XKR9: variants seen among roughly 807,000 people sequenced by gnomAD.
XKR9 encodes the protein XK related 9.
Under a neutral mutation model 32.0 loss-of-function variants are expected in XKR9, and 32 were observed. The observed-to-expected ratio is 1.00, with a 90% CI of 0.76 to 1.34. The LOEUF (loss-of-function observed/expected upper bound fraction) is 1.34, where lower values mean the gene tolerates loss of function less well. Among genes scored for constraint, XKR9 ranks in the 40% most tolerant of loss-of-function variants. The pLI, the probability that XKR9 is intolerant of heterozygous loss-of-function variation, is 0.00. For synonymous variants in XKR9, 168 were observed against 143.4 expected (o/e 1.17, Z -1.22); for missense variants, 546 against 429.7 (o/e 1.27, Z -2.39).
At chr8:70,785,731 C>CTT (rs1807676111) in intron 2 of XKR9, among the ~76,000 whole-genome samples, 2 of 111,886 alleles carry the variant, frequency 1.8e-5, no homozygotes, top group African/African-American at 3.0e-5. Flanking sequence ...CTCTCTCTCT[C>CTT]TCTCTCTCTA....
chr8:70,858,685 A>T, the XKR9 span, among the ~76,000 whole-genome samples: 1 of 152,058 alleles, frequency 6.6e-6, no homozygotes, highest in Admixed American at 6.6e-5. Context: ...CAGAATAGAG[A>T]ACCCAGATAT....
At chr8:70,708,838 C>A (rs571282182) in intron 4 of XKR9, among the ~76,000 whole-genome samples, 1 of 151,858 alleles carries the variant, frequency 6.6e-6, no homozygotes, top group South Asian at 2.1e-4. Context: ...AACCTTAGAC[C>A]AGATGGCTTC....
chr8:70,986,122 A>C, the XKR9 span, among the ~76,000 whole-genome samples: 6 of 152,206 alleles, frequency 3.9e-5, no homozygotes, highest in Non-Finnish European at 8.8e-5. Context: ...GTGTTAAGTA[A>C]TTAATAGGGC....
intron 4 of XKR9, among the ~76,000 whole-genome samples, chr8:70,708,481 G>T (rs1271797111): frequency 6.6e-6 from 1 of 152,056 alleles, no homozygotes; most frequent in Non-Finnish European, 1.5e-5. Flanking sequence ...ATAAATTATT[G>T]TAGGTTGTTA....
intron 2 of XKR9, among the ~76,000 whole-genome samples, chr8:70,757,567 GTA>G (rs1807245451): frequency 6.6e-6 from 1 of 151,814 alleles, no homozygotes; most frequent in South Asian, 2.1e-4. Flanking sequence ...ATGTATGTAT[GTA>G]TGTATGTATG....
At chr8:70,804,497 A>T in the XKR9 span, among the ~76,000 whole-genome samples, 7 of 152,256 alleles carry the variant, frequency 4.6e-5, no homozygotes, top group Non-Finnish European at 1.0e-4. Flanking sequence ...TTAAATAATA[A>T]CATAGTACAT....
intron 2 of XKR9, among the ~76,000 whole-genome samples, chr8:70,742,359 G>C (rs535574377): frequency 2.0e-5 from 3 of 152,190 alleles, no homozygotes; most frequent in Non-Finnish European, 4.4e-5. Context: ...TGCATGTTTG[G>C]TGTATATGTT....
chr8:70,967,348 C>T, the XKR9 span, among the ~76,000 whole-genome samples: 1 of 152,158 alleles, frequency 6.6e-6, no homozygotes, highest in Non-Finnish European at 1.5e-5. Context: ...GGAATATAGG[C>T]ATGAGCCACC....
At chr8:70,699,888 A>T (rs959152124) in intron 3 of XKR9, among the ~76,000 whole-genome samples, 13 of 152,030 alleles carry the variant, frequency 8.6e-5, no homozygotes, top group African/African-American at 2.9e-4. Context: ...GTTTCTTTTT[A>T]TTCTTTTTTC....
the XKR9 span, among the ~76,000 whole-genome samples, chr8:70,814,206 C>A: frequency 1.3e-5 from 2 of 152,036 alleles, no homozygotes; most frequent in African/African-American, 4.8e-5. Context: ...AAAAACCAAA[C>A]ACCGCATGTT....
chr8:70,946,889 G>A, the XKR9 span, among the ~76,000 whole-genome samples: 2 of 152,122 alleles, frequency 1.3e-5, no homozygotes, highest in Admixed American at 1.3e-4. Context: ...AATGGGATAT[G>A]GGACCAATAA....
chr8:70,670,174 C>G (rs1171639179), intron 1 of XKR9, among the ~76,000 whole-genome samples: 1 of 152,156 alleles, frequency 6.6e-6, no homozygotes, highest in Non-Finnish European at 1.5e-5. Context: ...CTTGCTCCTA[C>G]CTGCCTCGCA....
the XKR9 span, among the ~76,000 whole-genome samples, chr8:70,853,539 A>G: frequency 6.6e-6 from 1 of 151,784 alleles, no homozygotes; most frequent in African/African-American, 2.4e-5. Flanking sequence ...CAAAAAAAAG[A>G]CATTCTTTTT....
the XKR9 span, among the ~76,000 whole-genome samples, chr8:71,051,685 A>C: frequency 2.6e-5 from 4 of 152,258 alleles, no homozygotes; most frequent in Non-Finnish European, 5.9e-5. Flanking sequence ...TGTTTTTACC[A>C]AGCTATCAAC....
the XKR9 span, among the ~76,000 whole-genome samples, chr8:70,920,082 A>G: frequency 0.017 from 2,547 of 152,338 alleles, 32 homozygotes; most frequent in Non-Finnish European, 0.023. Flanking sequence ...CCTATGAGAC[A>G]ATGCTTATAT....
At chr8:70,891,248 T>G in the XKR9 span, among the ~76,000 whole-genome samples, 3 of 152,048 alleles carry the variant, frequency 2.0e-5, no homozygotes. Context: ...AAACCAACTT[T>G]TTGTTTCATT....
chr8:70,939,568 A>G, the XKR9 span, among the ~76,000 whole-genome samples: 1 of 152,022 alleles, frequency 6.6e-6, no homozygotes, highest in Non-Finnish European at 1.5e-5. Flanking sequence ...GAAAGTAGCT[A>G]TTTAATAAAT....
intron 2 of XKR9, among the ~76,000 whole-genome samples, chr8:70,677,456 T>A (rs918808398): frequency 6.6e-5 from 10 of 152,202 alleles, no homozygotes; most frequent in Non-Finnish European, 1.2e-4. Flanking sequence ...CCAAGATTTT[T>A]GTTTAGAAAG....
At chr8:70,946,909 T>C in the XKR9 span, among the ~76,000 whole-genome samples, 3 of 152,164 alleles carry the variant, frequency 2.0e-5, no homozygotes, top group Admixed American at 2.0e-4. Context: ...AGTTTTAATA[T>C]GGAATGGGTC....
Sources: allele counts gnomAD v4.1 joint callset (sites outside exome capture counted in the v4.1 genomes callset), GRCh38; gene constraint gnomAD v4.1.1; transcripts MANE v1.5; gene names NCBI Gene and HGNC (gene_info 2026-07-23, HGNC 2026-07-21).